The following SFXN5 variants were observed in gnomAD, a reference collection of about 807,000 sequenced individuals.
The protein encoded by SFXN5 is sideroflexin-5.
SFXN5 carries 43 observed loss-of-function variants against 50.2 expected under a neutral mutation model. That is an observed-to-expected ratio of 0.86 (90% CI 0.67 to 1.11). The LOEUF (loss-of-function observed/expected upper bound fraction) is 1.11, where lower values mean the gene tolerates loss of function less well. Among genes scored for constraint, SFXN5 ranks in the 50% least tolerant of loss-of-function variants. The pLI, the probability that SFXN5 is intolerant of heterozygous loss-of-function variation, is 0.00. For missense variants in SFXN5, 463 were observed against 454.1 expected (o/e 1.02, Z -0.18); for synonymous variants, 203 against 185.8 (o/e 1.09, Z -0.75).
intron 6 of SFXN5, among the ~76,000 whole-genome samples, chr2:73,008,935 G>A (rs114939034): frequency 1.1e-3 from 174 of 152,248 alleles, no homozygotes; most frequent in African/African-American, 3.8e-3. Context: ...TCTGGGGGGC[G>A]AGCAGGGTAG....
intron 1 of SFXN5, among the ~76,000 whole-genome samples, chr2:73,069,244 A>G (rs1358088718): frequency 6.6e-6 from 1 of 152,178 alleles, no homozygotes; most frequent in African/African-American, 2.4e-5. Flanking sequence ...AGAGGGCCAG[A>G]GTGGAAGCAG....
At chr2:72,968,789 CCTCT>C (rs550725619) in intron 11 of SFXN5, among the ~76,000 whole-genome samples, 31 of 150,018 alleles carry the variant, frequency 2.1e-4, no homozygotes, top group East Asian at 7.8e-4. Context: ...TTCTTTCTTT[CCTCT>C]CTCTCTCTTT....
intron 8 of SFXN5, among the ~76,000 whole-genome samples, chr2:73,000,107 C>T (rs1673719981): frequency 6.6e-6 from 1 of 152,166 alleles, no homozygotes; most frequent in South Asian, 2.1e-4. Context: ...TGATCCAAAA[C>T]CCAAATGTAA....
chr2:72,951,351 C>T (rs72918372), intron 13 of SFXN5, among the ~76,000 whole-genome samples: 15 of 152,028 alleles, frequency 9.9e-5, no homozygotes, highest in Non-Finnish European at 1.0e-4. Flanking sequence ...TCCTATCCAG[C>T]GTCTCCCCAG....
intron 1 of SFXN5, among the ~76,000 whole-genome samples, chr2:73,064,066 T>C (rs760612073): frequency 6.6e-6 from 1 of 152,170 alleles, no homozygotes; most frequent in Non-Finnish European, 1.5e-5. Context: ...AGCCAGGGCC[T>C]ACAGCAGCAG....
At chr2:73,029,374 A>C (rs182328002) in intron 3 of SFXN5, among the ~76,000 whole-genome samples, 1 of 152,266 alleles carries the variant, frequency 6.6e-6, no homozygotes, top group Non-Finnish European at 1.5e-5. Flanking sequence ...TATTTGACTC[A>C]TAGAACGTGC....
intron 3 of SFXN5, 102 bp from the exon 4 acceptor site, chr2:73,023,316 C>A: frequency 8.4e-7 from 1 of 1,195,078 alleles, no homozygotes; most frequent in South Asian, 1.4e-5. Context: ...GATCCAGCTC[C>A]GAAAGCCCGA....
chr2:73,069,047 G>A (rs1219075187), intron 1 of SFXN5, among the ~76,000 whole-genome samples: 1 of 151,958 alleles, frequency 6.6e-6, no homozygotes, highest in Non-Finnish European at 1.5e-5. Context: ...GTGGGTGGTG[G>A]GATTCAAGGA....
At chr2:73,062,331 G>A (rs892454289) in intron 1 of SFXN5, among the ~76,000 whole-genome samples, 1 of 152,116 alleles carries the variant, frequency 6.6e-6, no homozygotes, top group Non-Finnish European at 1.5e-5. Context: ...GGGTAGAGCT[G>A]GGCTGGGCTT....
At chr2:73,046,124 G>A (rs556298557) in intron 2 of SFXN5, among the ~76,000 whole-genome samples, 1 of 152,246 alleles carries the variant, frequency 6.6e-6, no homozygotes, top group African/African-American at 2.4e-5. Context: ...AAAGCGATAT[G>A]TTGGCCGGGT....
chr2:73,035,575 C>A (rs1678867718), intron 3 of SFXN5, among the ~76,000 whole-genome samples: 2 of 148,044 alleles, frequency 1.4e-5, no homozygotes, highest in African/African-American at 2.5e-5. Context: ...TCTCGGCTCA[C>A]TGCAACCTCC....
In SFXN5 at chr2:73,047,253, T is replaced by TATATATATATATATATATATACACAC. The variant is rs1559199656; in HGVS notation, c.172-6323_172-6322insGTGTGTATATATATATATATATATAT. ...AAAAAAAAAAAAAAAAAAATATATA[T>TATATATATATATATATATATACACAC]ATATATATATATATATATATATACA... On this transcript the variant is annotated intron_variant, in intron 2 of 13. Transcript: ENST00000272433. Among the ~76,000 whole-genome samples, 204 of 44,898 alleles carry TATATATATATATATATATATACACAC rather than the reference T, an allele frequency of 4.5e-3. 3 individuals carry two copies. The highest frequency in any genetic ancestry group is 6.6e-3 in the Non-Finnish European group (155 of 23,438). 29.5% of individuals were successfully genotyped at this position (44,898 alleles called of 152,430 possible).
chr2:72,972,186 G>A (rs1670088296), intron 10 of SFXN5, among the ~76,000 whole-genome samples: 1 of 152,204 alleles, frequency 6.6e-6, no homozygotes, highest in African/African-American at 2.4e-5. Context: ...GACAGCAGGT[G>A]CCAGAGAGGC....
chr2:72,976,337 C>T (rs1670614779), intron 10 of SFXN5, among the ~76,000 whole-genome samples: 1 of 151,976 alleles, frequency 6.6e-6, no homozygotes, highest in South Asian at 2.1e-4. Flanking sequence ...AGATCACACA[C>T]ATTTTAAAGC....
At position 72,961,179 on chromosome 2, in the gene SFXN5, G is replaced by A. The variant is rs567169280; in HGVS notation, c.897C>T (p.Phe299=). ...PVQSLVCLAA[F]GLALPLAISL... ...TGATGGCCAGCGGCAGGGCCAGGCCGAAGGCTGCCAGGCACACGAGGCTTT... is the reference window on the plus strand; with the variant it reads ...TGATGGCCAGCGGCAGGGCCAGGCCAAAGGCTGCCAGGCACACGAGGCTTT... Residue 299 remains phenylalanine (F), a synonymous_variant, in exon 13 of 14, where the codon TTC becomes TTT. Transcript: ENST00000272433. The surrounding 1 kb of genome is among the most constrained non-coding windows in gnomAD (Gnocchi z 4.4). The A allele has an allele frequency of 6.0e-5, 94 of 1,576,314 alleles. No homozygotes were observed. The highest frequency in any genetic ancestry group is 7.4e-5 in the Non-Finnish European group (86 of 1,164,060).
At chr2:73,065,966 GA>G (rs778797225) in intron 1 of SFXN5, among the ~76,000 whole-genome samples, 1 of 152,220 alleles carries the variant, frequency 6.6e-6, no homozygotes, top group Non-Finnish European at 1.5e-5. Flanking sequence ...GGGCCGGAAG[GA>G]AAAACAGTGA....
At chr2:72,951,229 C>G (rs1222820257) in intron 13 of SFXN5, among the ~76,000 whole-genome samples, 1 of 152,186 alleles carries the variant, frequency 6.6e-6, no homozygotes. Context: ...CACACCAGCT[C>G]CCAGCCAGCC....
rs1670320749 is a variant in SFXN5, at chr2:72,973,916, A to G, written c.626-2231T>C. ...TTCTGCCCTGAAAGGCATCAATCCT[A>G]GCCCTCTGATGACGCTGTCCACCAT... On this transcript the variant is annotated intron_variant, in intron 10 of 13. Transcript: ENST00000272433. This position sits in a 1 kb window ranked among gnomAD's most constrained non-coding sequence, Gnocchi z 5.5. Among the ~76,000 whole-genome samples, 1 of 152,200 alleles carries G rather than the reference A, an allele frequency of 6.6e-6. No homozygotes were observed.
chr2:73,065,059 T>C (rs1036318545), intron 1 of SFXN5, among the ~76,000 whole-genome samples: 1 of 152,118 alleles, frequency 6.6e-6, no homozygotes, highest in Non-Finnish European at 1.5e-5. Flanking sequence ...AGTGCTGGCA[T>C]TACAAGCATG....
Sources: allele counts gnomAD v4.1 joint callset (sites outside exome capture counted in the v4.1 genomes callset), GRCh38; gene constraint gnomAD v4.1.1; non-coding constraint Gnocchi (gnomAD v3.1); transcripts MANE v1.5; gene names NCBI Gene and HGNC (gene_info 2026-07-23, HGNC 2026-07-21).